SYNPO2: variants seen among roughly 807,000 people sequenced by gnomAD.
SYNPO2 encodes the protein synaptopodin 2.
Under a neutral mutation model 85.0 loss-of-function variants are expected in SYNPO2, and 56 were observed. That is an observed-to-expected ratio of 0.66 (90% confidence interval 0.53 to 0.82). The LOEUF is 0.82. SYNPO2 is among the 40% of genes least tolerant of loss of function. The probability of loss-of-function intolerance (pLI) is 0.00; values close to 1 mark genes in which losing one functional copy is unlikely to be tolerated. For synonymous variants in SYNPO2, 602 were observed against 591.1 expected (o/e 1.02, Z -0.27); for missense variants, 1,575 against 1,534.2 (o/e 1.03, Z -0.44).
chr4:118,930,737 AG>A (rs1388130614), intron 1 of SYNPO2, among the ~76,000 whole-genome samples: 1 of 136,086 alleles, frequency 7.3e-6, no homozygotes, highest in East Asian at 2.2e-4. Flanking sequence ...GAACATAGGA[AG>A]ACCCCATATC....
At chr4:119,009,071 A>G (rs550391878) in intron 1 of SYNPO2, among the ~76,000 whole-genome samples, 1 of 152,228 alleles carries the variant, frequency 6.6e-6, no homozygotes, top group Non-Finnish European at 1.5e-5. Context: ...TAAAAATTAT[A>G]GTTAAGATAA....
At chr4:119,014,281 G>A (rs187580940) in intron 1 of SYNPO2, among the ~76,000 whole-genome samples, 2 of 152,326 alleles carry the variant, frequency 1.3e-5, no homozygotes, top group South Asian at 2.1e-4. Context: ...GGGTGTGGCG[G>A]CACATGCCTG....
chr4:118,867,159 C>T (rs938265276), intron 1 of SYNPO2, among the ~76,000 whole-genome samples: 1 of 152,120 alleles, frequency 6.6e-6, no homozygotes, highest in African/African-American at 2.4e-5. Context: ...CCACAGAGAC[C>T]ATATGACCCC....
chr4:119,058,745 T>A lies in SYNPO2; in HGVS notation c.*811T>A, dbSNP rs1739306020. The A allele has an allele frequency of 6.6e-6, 1 of 152,152 alleles. No homozygotes were observed. The highest frequency in any genetic ancestry group is 1.5e-5 in the Non-Finnish European group (1 of 68,028). 9.4% of individuals were successfully genotyped at this position (152,152 alleles called of 1,614,324 possible). Reference sequence around the variant, plus strand: ...GCCTCAGCCTCCCAAAGTGCTGGGATTACAGGCGTGAGCCACCACACCTGG... The same window carrying A: ...GCCTCAGCCTCCCAAAGTGCTGGGAATACAGGCGTGAGCCACCACACCTGG... On this transcript the variant is annotated 3_prime_UTR_variant, in exon 5 of 5. Coordinates refer to ENST00000307142, the MANE Select transcript of SYNPO2 (RefSeq NM_133477.3).
At chr4:118,884,871 C>T (rs1732171307), upstream of SYNPO2, among the ~76,000 whole-genome samples, 2 of 152,084 alleles carry the variant, frequency 1.3e-5, no homozygotes, top group African/African-American at 2.4e-5. Flanking sequence ...GGGTTAATAA[C>T]CTAGCATAGG....
At chr4:118,862,585 A>G (rs1194112453) in intron 1 of SYNPO2, among the ~76,000 whole-genome samples, 1 of 152,168 alleles carries the variant, frequency 6.6e-6, no homozygotes, top group Non-Finnish European at 1.5e-5. Context: ...TGAAATGATC[A>G]TATTATTTTT....
At chr4:118,984,979 A>G (rs1736163808) in intron 1 of SYNPO2, among the ~76,000 whole-genome samples, 1 of 152,196 alleles carries the variant, frequency 6.6e-6, no homozygotes, top group South Asian at 2.1e-4. Context: ...TAAGAAGTAC[A>G]AAGCTCAATG....
At chr4:118,976,836 C>A (rs1196419322) in intron 1 of SYNPO2, among the ~76,000 whole-genome samples, 1 of 152,188 alleles carries the variant, frequency 6.6e-6, no homozygotes, top group Admixed American at 6.5e-5. Flanking sequence ...TCTCCACGTC[C>A]TCACCAGAGC....
At chr4:119,005,683 T>G (rs1009565260) in intron 1 of SYNPO2, among the ~76,000 whole-genome samples, 1 of 152,118 alleles carries the variant, frequency 6.6e-6, no homozygotes, top group Non-Finnish European at 1.5e-5. Flanking sequence ...CTTTGTTCTT[T>G]TGGCTTAGGA....
chr4:118,912,718 A>C (rs1221467330), intron 1 of SYNPO2, among the ~76,000 whole-genome samples: 1 of 152,174 alleles, frequency 6.6e-6, no homozygotes, highest in Non-Finnish European at 1.5e-5. Context: ...CATTTAATTT[A>C]AATAATTATA....
chr4:118,863,213 G>A (rs991863564), intron 1 of SYNPO2, among the ~76,000 whole-genome samples: 5 of 152,094 alleles, frequency 3.3e-5, no homozygotes, highest in African/African-American at 1.2e-4. Context: ...TCTATTTTTC[G>A]GAATAGTTTG....
chr4:119,055,162 T>A (rs1222480371), intron 4 of SYNPO2, among the ~76,000 whole-genome samples: 3 of 151,750 alleles, frequency 2.0e-5, no homozygotes, highest in Non-Finnish European at 4.4e-5. Context: ...TATTTATTTT[T>A]TTTTTTTGAG....
upstream of SYNPO2, among the ~76,000 whole-genome samples, chr4:118,885,054 G>C (rs1732174081): frequency 6.6e-6 from 1 of 152,154 alleles, no homozygotes; most frequent in Non-Finnish European, 1.5e-5. Context: ...ATTTATGTGT[G>C]GACAAGGACT....
chr4:118,952,664 A>C (rs894102055), intron 1 of SYNPO2, among the ~76,000 whole-genome samples: 1 of 152,156 alleles, frequency 6.6e-6, no homozygotes, highest in Non-Finnish European at 1.5e-5. Context: ...TACTATTTCA[A>C]TTGTTATTGT....
chr4:118,953,303 G>T lies in SYNPO2; in HGVS notation c.105+64162G>T, dbSNP rs188610888. ...TAATGAGCACACCATTGTTTTCATG[G>T]TTTTTTTATACCCTGAACGTCTCCC... is the stretch of plus-strand genomic sequence containing the variant. On this transcript the variant is annotated intron_variant, in intron 1 of 4. Coordinates refer to ENST00000307142, the MANE Select transcript of SYNPO2 (RefSeq NM_133477.3). Among the ~76,000 whole-genome samples the T allele has an allele frequency of 4.6e-5, 7 of 152,204 alleles. No homozygotes were observed. The East Asian group carries it at 1.2e-3, about 25-fold the overall frequency.
intron 4 of SYNPO2, chr4:119,035,550 T>C: frequency 1.0e-6 from 1 of 985,454 alleles, no homozygotes; most frequent in Non-Finnish European, 1.2e-6. Flanking sequence ...TGTCAAACTT[T>C]GTACTTCAAA....
intron 1 of SYNPO2, among the ~76,000 whole-genome samples, chr4:118,982,422 T>C (rs1736062411): frequency 6.6e-6 from 1 of 152,156 alleles, no homozygotes; most frequent in Non-Finnish European, 1.5e-5. Context: ...TATAACCTCT[T>C]TTAATTTGGC....
chr4:119,007,215 G>GGT (rs1491316199), intron 1 of SYNPO2, among the ~76,000 whole-genome samples: 653 of 30,554 alleles, frequency 0.021, 17 homozygotes, highest in African/African-American at 0.071. Flanking sequence ...AAAGAACAAA[G>GGT]GTATATATAT....
chr4:119,037,686 G>A (rs1049652714), intron 4 of SYNPO2: 3 of 975,562 alleles, frequency 3.1e-6, no homozygotes, highest in Non-Finnish European at 3.7e-6. Flanking sequence ...CAGGAACTGT[G>A]TTAAATATTT....
Sources: allele counts gnomAD v4.1 joint callset (sites outside exome capture counted in the v4.1 genomes callset), GRCh38; gene constraint gnomAD v4.1.1; transcripts MANE v1.5; gene names NCBI Gene and HGNC (gene_info 2026-07-23, HGNC 2026-07-21).